DYNC2H1: variants seen among roughly 807,000 people sequenced by gnomAD.
DYNC2H1 encodes dynein cytoplasmic 2 heavy chain 1, also known as cytoplasmic dynein 2 heavy chain 1.
In DYNC2H1, 410 loss-of-function variants were observed where a neutral mutation model predicts 570.0. The observed-to-expected ratio is 0.72, with a 90% CI of 0.66 to 0.78. DYNC2H1 has a LOEUF of 0.78. DYNC2H1 is among the 30% of genes least tolerant of loss of function. The pLI is 0.00. For synonymous variants in DYNC2H1, 1,688 were observed against 1,677.6 expected, an observed-to-expected ratio of 1.01 and a Z score of -0.15; for missense variants, 4,865 against 5,046.4, an observed-to-expected ratio of 0.96 and a Z score of 1.09.
intron 17 of DYNC2H1, among the ~76,000 whole-genome samples, chr11:103,141,640 CTCAGGGGTCAGGGG>C (rs1032991585): frequency 1.3e-5 from 2 of 152,290 alleles, no homozygotes; most frequent in Admixed American, 1.3e-4. Context: ...AGTTAGGCTG[CTCAGGGGTCAGGGG>C]TCAGGGGTCA....
chr11:103,467,156 A>T (rs1164548253), intron 87 of DYNC2H1, among the ~76,000 whole-genome samples: 1 of 152,208 alleles, frequency 6.6e-6, no homozygotes, highest in Admixed American at 6.5e-5. Context: ...TTTATTGTTT[A>T]TAGATACAGA....
intron 20 of DYNC2H1, among the ~76,000 whole-genome samples, chr11:103,149,670 T>C (rs902958779): frequency 6.6e-6 from 1 of 152,212 alleles, no homozygotes; most frequent in African/African-American, 2.4e-5. Context: ...GACATTTGAC[T>C]GATATGTATG....
intron 35 of DYNC2H1, 117 bp from the exon 36 acceptor site, chr11:103,173,937 TG>T: frequency 1.5e-6 from 1 of 672,660 alleles, no homozygotes; most frequent in Non-Finnish European, 2.5e-6. Context: ...TATAAATTAA[TG>T]GGATATCAAC....
At chr11:103,270,674 G>A (rs1865674003) in intron 70 of DYNC2H1, among the ~76,000 whole-genome samples, 2 of 151,958 alleles carry the variant, frequency 1.3e-5, no homozygotes, top group East Asian at 3.9e-4. Context: ...GCTACTAAGT[G>A]ATTAACGGAC....
At chr11:103,435,504 T>C (rs1476268848) in intron 84 of DYNC2H1, among the ~76,000 whole-genome samples, 1 of 152,104 alleles carries the variant, frequency 6.6e-6, no homozygotes, top group East Asian at 1.9e-4. Flanking sequence ...TCCTTTTTAT[T>C]TTTTTCTGTT....
At chr11:103,469,971 T>C (rs532975704) in intron 88 of DYNC2H1, among the ~76,000 whole-genome samples, 140 of 152,104 alleles carry the variant, frequency 9.2e-4, no homozygotes, top group Non-Finnish European at 1.6e-3. Flanking sequence ...TATAAACTGC[T>C]AATTCTCTGG....
At chr11:103,366,837 T>G (rs1467138401) in intron 83 of DYNC2H1, among the ~76,000 whole-genome samples, 2 of 152,190 alleles carry the variant, frequency 1.3e-5, no homozygotes, top group African/African-American at 2.4e-5. Context: ...ATATTAGGAA[T>G]GAAATTGCTC....
rs765454943 is a variant in DYNC2H1 at position 103,135,758 on chromosome 11, TC to T, written c.2386del (p.Arg796GlyfsTer8). The stretch of plus-strand genomic sequence containing the variant: ...CAATTCAGGCCCCCTTTTGAAGAAA[TC>T]CGGGCTAAATATTATAGAGAAATGA... ...RLQFRPPFEE[I>X]RAKYYREMKR... On this transcript the variant is annotated frameshift_variant, in exon 17 of 89. Transcript: ENST00000375735. LOFTEE classifies it high-confidence loss of function. 4 of 1,611,440 alleles carry T rather than the reference TC, an allele frequency of 2.5e-6. No homozygotes were observed. The highest frequency in any genetic ancestry group is 3.4e-6 in the Non-Finnish European group (4 of 1,178,598).
chr11:103,292,397 T>C (rs1204957314), intron 75 of DYNC2H1, among the ~76,000 whole-genome samples: 1 of 152,226 alleles, frequency 6.6e-6, no homozygotes, highest in Non-Finnish European at 1.5e-5. Context: ...ACACTTAAAC[T>C]CAATTCCCTT....
At chr11:103,175,944 T>TA (rs1330415046) in intron 36 of DYNC2H1, among the ~76,000 whole-genome samples, 2 of 152,298 alleles carry the variant, frequency 1.3e-5, no homozygotes, top group East Asian at 3.9e-4. Flanking sequence ...AAAGGTGAAG[T>TA]ACTATGCAAA....
intron 75 of DYNC2H1, among the ~76,000 whole-genome samples, chr11:103,294,630 C>T (rs1481437503): frequency 3.1e-4 from 47 of 152,144 alleles, no homozygotes; most frequent in Non-Finnish European, 2.2e-4. Context: ...AATATGGGCT[C>T]TGCCTTGACC....
chr11:103,384,674 C>G (rs1941802078), intron 83 of DYNC2H1, among the ~76,000 whole-genome samples: 1 of 152,048 alleles, frequency 6.6e-6, no homozygotes, highest in Non-Finnish European at 1.5e-5. Flanking sequence ...CCAGACAGTT[C>G]AAGAAGCTTA....
chr11:103,366,971 C>T (rs969434471), intron 83 of DYNC2H1, among the ~76,000 whole-genome samples: 2 of 151,896 alleles, frequency 1.3e-5, no homozygotes, highest in Admixed American at 6.6e-5. Context: ...ATCCTAATAA[C>T]GTAACAAAAA....
chr11:103,380,544 G>A (rs755479376), intron 83 of DYNC2H1, among the ~76,000 whole-genome samples: 2 of 151,686 alleles, frequency 1.3e-5, no homozygotes, highest in Non-Finnish European at 2.9e-5. Flanking sequence ...CTTTTTTTTG[G>A]AGGTTACGTG....
rs564270438 is a variant in DYNC2H1, at chr11:103,388,047, T to C, written c.12157-11616T>C. Among the ~76,000 whole-genome samples, 15 of 152,282 alleles carry C rather than the reference T, an allele frequency of 9.9e-5. No homozygotes were observed. In the East Asian group the frequency reaches 2.7e-3, roughly 27 times the overall value. ...TTTTCCAATTCTGTGAAGAAAGTCA[T>C]TGGTAGCTTGATGGGGATGGCATTG... On this transcript the variant is annotated intron_variant, in intron 83 of 88. Coordinates refer to ENST00000375735, the MANE Select transcript of DYNC2H1 (RefSeq NM_001377.3).
At chr11:103,160,090 A>G (rs1255883738) in intron 28 of DYNC2H1, among the ~76,000 whole-genome samples, 1 of 152,138 alleles carries the variant, frequency 6.6e-6, no homozygotes, top group Non-Finnish European at 1.5e-5. Context: ...AGTAGTAGAA[A>G]ACAAACTCTT....
intron 52 of DYNC2H1, among the ~76,000 whole-genome samples, chr11:103,208,616 T>C (rs1215632836): frequency 1.3e-5 from 2 of 152,076 alleles, no homozygotes; most frequent in Non-Finnish European, 2.9e-5. Flanking sequence ...GGGAAGTGTT[T>C]AAGTGCCATA....
chr11:103,112,605 G>A (rs1026773160), intron 1 of DYNC2H1, among the ~76,000 whole-genome samples: 2 of 152,132 alleles, frequency 1.3e-5, no homozygotes, highest in African/African-American at 2.4e-5. Context: ...TACTTTTCAT[G>A]TGTCATGAAA....
intron 82 of DYNC2H1, among the ~76,000 whole-genome samples, chr11:103,346,302 CT>C (rs2135498202): frequency 6.6e-6 from 1 of 152,208 alleles, no homozygotes; most frequent in Non-Finnish European, 1.5e-5. Context: ...AATCGGAAAG[CT>C]TAAGTTTCCA....
Sources: allele counts gnomAD v4.1 joint callset (sites outside exome capture counted in the v4.1 genomes callset), GRCh38; gene constraint gnomAD v4.1.1; transcripts MANE v1.5; gene names NCBI Gene and HGNC (gene_info 2026-07-23, HGNC 2026-07-21).